The following VPS13C variants were observed in gnomAD, a reference collection of about 807,000 sequenced individuals.
VPS13C encodes the protein intermembrane lipid transfer protein VPS13C.
VPS13C carries 358 observed loss-of-function variants against 456.8 expected under a neutral mutation model. The ratio of observed to expected loss-of-function variants is 0.78; its 90% CI spans 0.72 to 0.86. VPS13C has a LOEUF of 0.86. Among genes scored for constraint, VPS13C ranks in the 40% least tolerant of loss-of-function variants. VPS13C has a pLI of 0.00. For missense variants in VPS13C, 4,818 were observed against 4,385.4 expected (o/e 1.10, Z -2.79); for synonymous variants, 1,578 against 1,486.7 (o/e 1.06, Z -1.41).
intron 1 of VPS13C, among the ~76,000 whole-genome samples, chr15:62,057,968 C>T (rs1015094283): frequency 7.9e-5 from 12 of 152,176 alleles, no homozygotes; most frequent in East Asian, 3.9e-4. Context: ...TATATCCATA[C>T]GTTTTATCTT....
At chr15:61,977,229 T>C in intron 23 of VPS13C, 30 bp from the exon 24 acceptor site, 4 of 1,348,878 alleles carry the variant, frequency 3.0e-6, no homozygotes, top group Non-Finnish European at 4.0e-6. Context: ...ATATTATTTA[T>C]TATTTTTACA....
At chr15:62,035,129 C>G (rs2047947722) in intron 3 of VPS13C, 77 bp from the exon 4 acceptor site, 1 of 1,018,844 alleles carries the variant, frequency 9.8e-7, no homozygotes, top group Non-Finnish European at 1.5e-6. Context: ...TTCCATTAAG[C>G]GAAAAAGCAT....
Position 62,013,036 on chromosome 15 carries a change from T to C in VPS13C, c.825+3A>G. 6.2e-7 allele frequency: 1 copy of C among 1,607,486 alleles called. No individual in the cohort carries two copies. The highest frequency in any genetic ancestry group is 8.5e-7 in the Non-Finnish European group (1 of 1,176,736). ...AGCTCTTCCAAGTATACATTAATAT[T>C]ACCAAAATCTGTTCCCTTGATCTCT... On this transcript the variant is annotated splice_donor_region_variant and intron_variant, in intron 11 of 84. Coordinates refer to ENST00000644861, the MANE Select transcript of VPS13C (RefSeq NM_020821.3).
rs140060073 is a variant in VPS13C, at chr15:61,978,646, T to C, written c.2270A>G (p.Gln757Arg). ...DKFDVEIKNV[Q>R]LLFARAEETW... is the part of the protein sequence containing the mutation. ...TTTACCTGCTCTTGCAAAAAGTAGT[T>C]GTACATTTTTTATTTCAACATCAAA... Residue 757 changes from glutamine to arginine, a missense_variant, in exon 23 of 85, where the codon CAA becomes CGA. Gln to Arg is a conservative substitution (Grantham distance 43, BLOSUM62 1). Coordinates refer to ENST00000644861, the MANE Select transcript of VPS13C (RefSeq NM_020821.3). The C allele has an allele frequency of 4.1e-4, 653 of 1,611,458 alleles. No homozygotes were observed. The highest frequency in any genetic ancestry group is 5.0e-4 in the Admixed American group (30 of 59,610).
intron 3 of VPS13C, among the ~76,000 whole-genome samples, chr15:62,036,503 T>C (rs928725716): frequency 1.4e-4 from 21 of 152,122 alleles, no homozygotes; most frequent in African/African-American, 4.8e-4. Flanking sequence ...GTAAACCTGC[T>C]GAATTTCTTA....
chr15:61,978,652 T>A lies in VPS13C; in HGVS notation c.2264A>T (p.Asn755Ile). The A allele has an allele frequency of 6.2e-7, 1 of 1,611,690 alleles. No homozygotes were observed. The highest frequency in any genetic ancestry group is 8.5e-7 in the Non-Finnish European group (1 of 1,179,270). The change falls in exon 23 of 85, where the codon AAT (asparagine) becomes ATT (isoleucine). Residue 755 changes from asparagine (N) to isoleucine (I), a missense_variant. Physicochemically the swap from Asn to Ile is moderately radical, Grantham distance 149. Coordinates refer to ENST00000644861, the MANE Select transcript of VPS13C (RefSeq NM_020821.3). ...TGCTCTTGCAAAAAGTAGTTGTACA[T>A]TTTTTATTTCAACATCAAACTTGTC... ...AYDKFDVEIK[N>I]VQLLFARAEE...
intron 1 of VPS13C, among the ~76,000 whole-genome samples, chr15:62,056,408 A>C (rs1361975320): frequency 6.6e-6 from 1 of 152,218 alleles, no homozygotes; most frequent in Admixed American, 6.5e-5. Flanking sequence ...AGAAGACAAG[A>C]GTGCGAGCCT....
In VPS13C at chr15:61,915,849, A is replaced by G. The variant is rs1442554002; in HGVS notation, c.8229T>C (p.Ser2743=). ...LPEFFPVCFS[S]DSTEVTTVDL... is the part of the protein sequence containing the mutation. Reference sequence around the variant, plus strand: ...CGACTGTCGTCACTTCTGTGGAGTCAGAAGAAAAACACACAGGAAAGAATT... The same window carrying G: ...CGACTGTCGTCACTTCTGTGGAGTCGGAAGAAAAACACACAGGAAAGAATT... The change falls in exon 61 of 85, where the codon TCT becomes TCC. Residue 2743 remains serine, a synonymous_variant. Coordinates refer to ENST00000644861, the MANE Select transcript of VPS13C (RefSeq NM_020821.3). 1.2e-6 allele frequency: 2 copies of G among 1,614,096 alleles called. No individual in the cohort carries two copies. Among genetic ancestry groups the G allele is most frequent in the Middle Eastern group, 1.6e-4 (1 of 6,062 alleles).
chr15:61,875,815 C>T lies in VPS13C; in HGVS notation c.10255G>A (p.Gly3419Arg), dbSNP rs762909886. Residue 3419 changes from glycine to arginine, a missense_variant, in exon 76 of 85, where the codon GGG (glycine) becomes AGG (arginine). Coordinates refer to ENST00000644861, the MANE Select transcript of VPS13C (RefSeq NM_020821.3). ...AATGGGTTTCCAAGTACATCTAACC[C>T]CAATACAAGGACATACATCTGTTTC... ...FLKQMYVLVL[G>R]LDVLGNPFGL... 4.4e-6 allele frequency: 7 copies of T among 1,601,818 alleles called. No homozygotes were observed. The highest frequency in any genetic ancestry group is 6.0e-6 in the Non-Finnish European group (7 of 1,176,024).
chr15:61,884,831 C>T (rs1230604379), intron 67 of VPS13C, among the ~76,000 whole-genome samples: 1 of 152,032 alleles, frequency 6.6e-6, no homozygotes, highest in Admixed American at 6.6e-5. Flanking sequence ...CTGCCAAATA[C>T]TGATATTGGT....
chr15:61,917,299 T>C, intron 60 of VPS13C, 42 bp downstream of exon 60: 2 of 1,581,482 alleles, frequency 1.3e-6, no homozygotes, highest in African/African-American at 1.4e-5. Context: ...CAGAATTTAC[T>C]CTGTGCAACA....
At chr15:62,029,477 T>C (rs1314515282) in intron 5 of VPS13C, among the ~76,000 whole-genome samples, 1 of 152,092 alleles carries the variant, frequency 6.6e-6, no homozygotes, top group East Asian at 1.9e-4. Flanking sequence ...ATGCCTTCTC[T>C]CCTTTCTGCA....
At position 61,854,166 on chromosome 15, in the gene VPS13C, TCAC is replaced by T. The variant is rs767650652; in HGVS notation, c.*288_*290del. On this transcript the variant is annotated 3_prime_UTR_variant, in exon 85 of 85. Transcript: ENST00000644861. ...AAATATAAGCCTATTGACCTTTGCTTCACAATTTTAATATTAATGAAAATTTCA... is the reference window on the plus strand; with the variant it reads ...AAATATAAGCCTATTGACCTTTGCTTAATTTTAATATTAATGAAAATTTCA... 2.3e-5 allele frequency: 10 copies of T among 429,148 alleles called. No homozygotes were observed. The highest frequency in any genetic ancestry group is 4.2e-5 in the Non-Finnish European group (10 of 237,672). 26.6% of individuals were successfully genotyped at this position (429,148 alleles called of 1,614,324 possible). A position where few individuals can be genotyped will look rare whatever the true frequency, so the allele number is the denominator to read the frequency against.
chr15:61,883,765 T>C (rs1195069186), intron 68 of VPS13C, among the ~76,000 whole-genome samples: 2 of 152,122 alleles, frequency 1.3e-5, no homozygotes, highest in Admixed American at 6.6e-5. Context: ...ATTGGTGTCA[T>C]TCAAAATATA....
intron 66 of VPS13C, chr15:61,906,971 T>TA: frequency 3.2e-6 from 1 of 309,276 alleles, no homozygotes; most frequent in Non-Finnish European, 6.1e-6. Flanking sequence ...GTTTTTAACT[T>TA]AGTCTTACAA....
chr15:61,949,339 A>C (rs2044708534), intron 42 of VPS13C, 104 bp downstream of exon 42: 3 of 1,317,472 alleles, frequency 2.3e-6, no homozygotes, highest in African/African-American at 3.0e-5. Flanking sequence ...CTATCAGAGC[A>C]GCAATGTCAA....
At chr15:61,919,227 G>T in intron 58 of VPS13C, 62 bp downstream of exon 58, 2 of 1,481,098 alleles carry the variant, frequency 1.4e-6, no homozygotes, top group Non-Finnish European at 9.1e-7. Flanking sequence ...CCTATATTCA[G>T]CTAAATGATT....
chr15:62,001,218 G>A (rs1010024033), intron 15 of VPS13C, among the ~76,000 whole-genome samples: 2 of 152,066 alleles, frequency 1.3e-5, no homozygotes, highest in Admixed American at 6.5e-5. Context: ...TTTTATATAC[G>A]AGAACACTAG....
At chr15:61,924,344 G>A (rs2043770363) in intron 53 of VPS13C, among the ~76,000 whole-genome samples, 1 of 152,178 alleles carries the variant, frequency 6.6e-6, no homozygotes, top group Non-Finnish European at 1.5e-5. Flanking sequence ...AAGGCCCCAT[G>A]CCTGTGCTCC....
Sources: allele counts gnomAD v4.1 joint callset (sites outside exome capture counted in the v4.1 genomes callset), GRCh38; gene constraint gnomAD v4.1.1; transcripts MANE v1.5; gene names NCBI Gene and HGNC (gene_info 2026-07-23, HGNC 2026-07-21).